The following ACTR5 variants were observed in gnomAD, a reference collection of about 807,000 sequenced individuals.
The protein encoded by ACTR5 is actin related protein 5.
In ACTR5, 43 loss-of-function variants were observed where a neutral mutation model predicts 61.2. The ratio of observed to expected loss-of-function variants is 0.70; its 90% CI spans 0.55 to 0.91. The LOEUF is 0.91. ACTR5 is among the 40% of genes least tolerant of loss of function. ACTR5 has a pLI of 0.00. For missense variants in ACTR5, 798 were observed against 782.2 expected, an observed-to-expected ratio of 1.02 and a Z score of -0.24; for synonymous variants, 333 against 310.5, an observed-to-expected ratio of 1.07 and a Z score of -0.76.
At chr20:38,766,121 C>A in intron 6 of ACTR5, 117 bp from the exon 7 acceptor site, 1 of 1,146,424 alleles carries the variant, frequency 8.7e-7, no homozygotes. Context: ...AGAAGCTATA[C>A]TGGCATTAAC....
intron 5 of ACTR5, among the ~76,000 whole-genome samples, chr20:38,763,141 A>G (rs2084464698): frequency 6.6e-6 from 1 of 152,206 alleles, no homozygotes. Flanking sequence ...GTGTGACTCC[A>G]GAGCCTGACC....
At chr20:38,771,308 C>T (rs1308872107) in intron 8 of ACTR5, among the ~76,000 whole-genome samples, 1 of 152,216 alleles carries the variant, frequency 6.6e-6, no homozygotes, top group African/African-American at 2.4e-5. Context: ...AGCCACTGGC[C>T]CCTCTCTGAC....
rs1407511459 is a variant in ACTR5, at chr20:38,748,778, C to T, written c.300C>T (p.Arg100=). ...GGATGCTGCGCTCGCCCTTCGACCG[C>T]AACGTGCCGGTCAACCTGGAGCTTC... ...LRWMLRSPFD[R]NVPVNLELQE... is the part of the protein sequence containing the mutation. The change falls in exon 1 of 9, where the codon CGC becomes CGT. Residue 100 remains arginine, a synonymous_variant. Coordinates refer to ENST00000243903, the MANE Select transcript of ACTR5 (RefSeq NM_024855.4). 1 of 1,608,166 alleles carries T rather than the reference C, an allele frequency of 6.2e-7. No individual in the cohort carries two copies. The highest frequency in any genetic ancestry group is 1.1e-5 in the South Asian group (1 of 90,404).
chr20:38,750,920 C>T (rs1296318524), intron 2 of ACTR5, among the ~76,000 whole-genome samples: 3 of 152,106 alleles, frequency 2.0e-5, no homozygotes, highest in Admixed American at 6.5e-5. Context: ...GGTGAGCCAC[C>T]GCGCCCAGCC....
At chr20:38,765,306 T>C in intron 5 of ACTR5, 96 bp from the exon 6 acceptor site, 1 of 867,352 alleles carries the variant, frequency 1.2e-6, no homozygotes, top group South Asian at 1.5e-5. Flanking sequence ...TTTTAGAACA[T>C]TGGGCAAGAT....
intron 4 of ACTR5, 86 bp downstream of exon 4, chr20:38,755,260 A>G (rs1356530534): frequency 6.5e-6 from 9 of 1,393,072 alleles, no homozygotes; most frequent in Non-Finnish European, 8.6e-6. Flanking sequence ...CATTGGCCTT[A>G]AGATGCTTTG....
In ACTR5 at chr20:38,754,943, T is replaced by C. The variant is rs1228842434; in HGVS notation, c.776-14T>C. 5 of 1,612,042 alleles carry C rather than the reference T, an allele frequency of 3.1e-6. No individual in the cohort carries two copies. The highest frequency in any genetic ancestry group is 4.5e-5 in the East Asian group (2 of 44,832). ...TGTTTCCATTTCATAACTTTCAAAATTGTTTCTTTGAAGAATTACACAAAT... is the reference window on the plus strand; with the variant it reads ...TGTTTCCATTTCATAACTTTCAAAACTGTTTCTTTGAAGAATTACACAAAT... On this transcript the variant is annotated splice_polypyrimidine_tract_variant and intron_variant, in intron 3 of 8. Coordinates refer to ENST00000243903, the MANE Select transcript of ACTR5 (RefSeq NM_024855.4).
At chr20:38,761,055 A>G (rs2084450964) in intron 5 of ACTR5, among the ~76,000 whole-genome samples, 1 of 152,084 alleles carries the variant, frequency 6.6e-6, no homozygotes, top group Non-Finnish European at 1.5e-5. Context: ...AGCTAGGACT[A>G]CAGGAGTGCA....
rs1284489105 is a variant in ACTR5 at position 38,750,189 on chromosome 20, C to A, written c.555C>A (p.Ile185=). The change falls in exon 2 of 9, where the codon ATC becomes ATA. Residue 185 remains isoleucine (I), a synonymous_variant. Coordinates refer to ENST00000243903, the MANE Select transcript of ACTR5 (RefSeq NM_024855.4). ...KPKNSMCSGL[I]ISSGYQCTHV... Reference sequence around the variant, plus strand: ...AGAACTCGATGTGCAGTGGGCTAATCATTTCATCTGGATACCAGTGTACGC... The same window carrying A: ...AGAACTCGATGTGCAGTGGGCTAATAATTTCATCTGGATACCAGTGTACGC... 1 of 1,614,212 alleles carries A rather than the reference C, an allele frequency of 6.2e-7. No homozygotes were observed. Among genetic ancestry groups the A allele is most frequent in the Non-Finnish European group, 8.5e-7 (1 of 1,180,034 alleles).
intron 8 of ACTR5, among the ~76,000 whole-genome samples, chr20:38,769,359 C>G (rs796795351): frequency 1.1e-4 from 17 of 152,276 alleles, no homozygotes; most frequent in African/African-American, 4.1e-4. Flanking sequence ...TACTTGGTAG[C>G]TCTGCAGGAA....
chr20:38,771,809 A>G lies in ACTR5; in HGVS notation c.1817A>G (p.Gln606Arg). ...GCTGGTGGAGGTGGTGCTGGTGAGC[A>G]GGCATAGCAGAGGCCCTCCAGAGAG... ...SAAGGGGAGE[Q>R]A The change falls in exon 9 of 9, where the codon CAG becomes CGG. Residue 606 changes from glutamine to arginine, a missense_variant. By Grantham distance (43) the Gln-to-Arg change is conservative (BLOSUM62 1). Coordinates refer to ENST00000243903, the MANE Select transcript of ACTR5 (RefSeq NM_024855.4). The G allele has an allele frequency of 5.6e-6, 9 of 1,611,192 alleles. No homozygotes were observed. Among genetic ancestry groups the G allele is most frequent in the Non-Finnish European group, 7.6e-6 (9 of 1,179,446 alleles).
intron 8 of ACTR5, among the ~76,000 whole-genome samples, chr20:38,768,162 A>G (rs985579846): frequency 6.6e-6 from 1 of 152,094 alleles, no homozygotes; most frequent in African/African-American, 2.4e-5. Flanking sequence ...TGCTGACTCC[A>G]TCATCACCAT....
intron 3 of ACTR5, among the ~76,000 whole-genome samples, chr20:38,753,873 CTT>C (rs71330446): frequency 5.1e-4 from 59 of 116,762 alleles, no homozygotes; most frequent in Non-Finnish European, 5.6e-4. Flanking sequence ...GTTATTCGAG[CTT>C]TTTTTTTTTT....
At chr20:38,755,201 C>G in intron 4 of ACTR5, 27 bp downstream of exon 4, 2 of 1,542,982 alleles carry the variant, frequency 1.3e-6, no homozygotes, top group Non-Finnish European at 8.7e-7. Context: ...GGACGGGCGC[C>G]CTTCCGTGTT....
At chr20:38,748,980 A>G in intron 1 of ACTR5, 127 bp downstream of exon 1, 1 of 1,197,560 alleles carries the variant, frequency 8.4e-7, no homozygotes, top group Non-Finnish European at 1.1e-6. Context: ...AGTCGACCAG[A>G]TGCTAGGCGC....
chr20:38,752,143 A>T lies in ACTR5; in HGVS notation c.618A>T (p.Lys206Asn), dbSNP rs1393573366. The change falls in exon 3 of 9, where the codon AAA becomes AAT. Residue 206 changes from lysine (K) to asparagine (N), a missense_variant. Physicochemically the swap from Lys to Asn is moderately conservative, Grantham distance 94. Coordinates refer to ENST00000243903, the MANE Select transcript of ACTR5 (RefSeq NM_024855.4). ...TGCTTGGTTATAGATTAGATGCTAA[A>T]AACTGCAAGCGCATCAATCTTGGAG... ...LPILEGRLDA[K>N]NCKRINLGGS... 6.2e-7 allele frequency: 1 copy of T among 1,613,322 alleles called. No individual in the cohort carries two copies. The highest frequency in any genetic ancestry group is 8.5e-7 in the Non-Finnish European group (1 of 1,179,382).
chr20:38,751,471 G>A (rs1738384750), intron 2 of ACTR5, among the ~76,000 whole-genome samples: 1 of 152,190 alleles, frequency 6.6e-6, no homozygotes, highest in Admixed American at 6.5e-5. Context: ...TTTATATTGA[G>A]AGAAAATTAC....
intron 5 of ACTR5, among the ~76,000 whole-genome samples, chr20:38,759,366 AACTCTAGCGAG>A (rs11466853): frequency 0.24 from 36,005 of 152,002 alleles, 4,363 homozygotes; most frequent in Middle Eastern, 0.34. Flanking sequence ...GACCCTGGCA[AACTCTAGCGAG>A]AGAGAAGCCA....
At position 38,749,992 on chromosome 20, in the gene ACTR5, C is replaced by A; in HGVS notation, c.376-18C>A. The A allele has an allele frequency of 6.2e-7, 1 of 1,600,424 alleles. No homozygotes were observed. The highest frequency in any genetic ancestry group is 1.1e-5 in the South Asian group (1 of 90,298). On this transcript the variant is annotated intron_variant, in intron 1 of 8. Transcript: ENST00000243903. ...ATTCTGTTACCACTCATTTATTTGC[C>A]CTTTTCTTTCAAAGTAGGGCTGTGT... is the stretch of plus-strand genomic sequence containing the variant.
Sources: allele counts gnomAD v4.1 joint callset (sites outside exome capture counted in the v4.1 genomes callset), GRCh38; gene constraint gnomAD v4.1.1; transcripts MANE v1.5; gene names NCBI Gene and HGNC (gene_info 2026-07-23, HGNC 2026-07-21).